The following GOSR2 variants were observed in gnomAD, a reference collection of about 807,000 sequenced individuals.
GOSR2 encodes 27 kDa Golgi SNARE protein.
Under a neutral mutation model 27.9 loss-of-function variants are expected in GOSR2, and 20 were observed. That is an observed-to-expected ratio of 0.72 (90% CI 0.50 to 1.04). The LOEUF (loss-of-function observed/expected upper bound fraction) is 1.04, where lower values mean the gene tolerates loss of function less well. Among genes scored for constraint, GOSR2 ranks in the 50% least tolerant of loss-of-function variants. GOSR2 has a pLI of 0.00. For synonymous variants in GOSR2, 91 were observed against 98.8 expected (o/e 0.92, Z 0.47); for missense variants, 261 against 270.5 (o/e 0.97, Z 0.25).
At chr17:46,957,914 A>G (rs1375710754) in intron 6 of GOSR2, among the ~76,000 whole-genome samples, 1 of 152,184 alleles carries the variant, frequency 6.6e-6, no homozygotes, top group Non-Finnish European at 1.5e-5. Context: ...TGCAGCAGGG[A>G]TCAGTGTGCC....
intron 4 of GOSR2, among the ~76,000 whole-genome samples, chr17:46,934,137 T>C (rs1356816725): frequency 1.3e-5 from 2 of 151,094 alleles, no homozygotes; most frequent in Non-Finnish European, 2.9e-5. Context: ...GGGCAGGCCC[T>C]GCGCTCAGTA....
chr17:46,942,090 A>G (rs778681668), downstream of GOSR2: 37 of 306,124 alleles, frequency 1.2e-4, no homozygotes, highest in Non-Finnish European at 1.7e-4. Context: ...AGTGAGGCAC[A>G]AGAACAAATC....
At chr17:46,923,576 G>A (rs932374166) in intron 1 of GOSR2, 5 of 1,302,366 alleles carry the variant, frequency 3.8e-6, no homozygotes, top group Non-Finnish European at 4.9e-6. Flanking sequence ...GAGGAGACAC[G>A]GAGTAGGAGA....
chr17:46,923,866 G>A lies in GOSR2; in HGVS notation c.29+645G>A, dbSNP rs2146712117. 2 of 398,526 alleles carry A rather than the reference G, an allele frequency of 5.0e-6. 1 individual carries two copies. The highest frequency in any genetic ancestry group is 1.3e-3 in the Middle Eastern group (2 of 1,590). 24.7% of individuals were successfully genotyped at this position (398,526 alleles called of 1,614,324 possible). A position where few individuals can be genotyped will look rare whatever the true frequency, so the allele number is the denominator to read the frequency against. On this transcript the variant is annotated intron_variant, in intron 1 of 5. Transcript: ENST00000640051. ...ACTTTCGGAATTGCTGAGATACGTA[G>A]TTGAGTATTAATGGGGCCATACTTA... is the stretch of plus-strand genomic sequence containing the variant.
rs197926 is a variant in GOSR2, at chr17:46,934,721, A to G, written c.337-308A>G. ...AGAGAAAGCCTTTAGGAGACACCCA[A>G]TGAGGTCTTGAAGGAATAGCTTTTC... On this transcript the variant is annotated intron_variant, in intron 4 of 5. Coordinates refer to ENST00000640051, the MANE Select transcript of GOSR2 (RefSeq NM_004287.5). Among the ~76,000 whole-genome samples the G allele has an allele frequency of 0.43, 65,969 of 152,048 alleles. 14,785 individuals are homozygous for G. Among genetic ancestry groups the G allele is most frequent in the South Asian group, 0.52 (2,502 of 4,814 alleles).
In GOSR2 at chr17:46,941,352, T is replaced by A; in HGVS notation, c.*2592T>A. ...TCAGCTGAATAAAGTTGAGGTTTAT[T>A]TTATTTAGAAAATCACATTTTGTAA... On this transcript the variant is annotated 3_prime_UTR_variant, in exon 6 of 6. Transcript: ENST00000640051. 1 of 984,476 alleles carries A rather than the reference T, an allele frequency of 1.0e-6. No homozygotes were observed. The highest frequency in any genetic ancestry group is 1.2e-6 in the Non-Finnish European group (1 of 829,066). The allele number at this position is 984,476 out of a possible 1,614,324, so 61.0% of individuals were successfully genotyped here.
downstream of GOSR2, among the ~76,000 whole-genome samples, chr17:46,943,774 A>G (rs115882746): frequency 2.6e-3 from 394 of 152,346 alleles, no homozygotes; most frequent in African/African-American, 8.7e-3. Flanking sequence ...AACAACAGCA[A>G]TGACTGCAGT....
At chr17:46,945,115 G>C (rs955932100), downstream of GOSR2, among the ~76,000 whole-genome samples, 7 of 152,222 alleles carry the variant, frequency 4.6e-5, no homozygotes, top group African/African-American at 7.2e-5. Context: ...GAGGTGATGG[G>C]TGTGTGAAGG....
intron 6 of GOSR2, among the ~76,000 whole-genome samples, chr17:46,956,274 G>A (rs947672859): frequency 7.9e-6 from 1 of 126,098 alleles, no homozygotes; most frequent in Non-Finnish European, 1.6e-5. Context: ...TGCCTTGCCA[G>A]TCCTTTTTTT....
chr17:46,956,761 T>G lies in GOSR2; in HGVS notation c.584-9773T>G, dbSNP rs969655693. The stretch of plus-strand genomic sequence containing the variant: ...TGGGAGTAGCCTGCGTGGCTGCCAG[T>G]GCTGGCTGGAGAGGATACCACCATC... On this transcript the variant is annotated intron_variant, in intron 6 of 6. Coordinates refer to the GOSR2 transcript ENST00000573224. 3.9e-5 allele frequency among the ~76,000 whole-genome samples: 6 copies of G among 152,318 alleles called. No individual in the cohort carries two copies. In the Middle Eastern group the frequency reaches 0.014, roughly 345 times the overall value.
At chr17:46,952,834 G>A (rs2090457025) in intron 6 of GOSR2, 1 of 151,896 alleles carries the variant, frequency 6.6e-6, no homozygotes, top group African/African-American at 2.4e-5. Flanking sequence ...TACTTAAGCT[G>A]GTTTGCACTG....
chr17:46,935,365 G>A (rs1017405093), intron 5 of GOSR2, 196 bp downstream of exon 5: 20 of 1,449,978 alleles, frequency 1.4e-5, no homozygotes, highest in Non-Finnish European at 1.8e-5. Flanking sequence ...TCCTTTGCCA[G>A]TGCTTGAAAC....
intron 3 of GOSR2, 34 bp downstream of exon 3, chr17:46,931,241 C>G: frequency 2.0e-6 from 2 of 982,952 alleles, no homozygotes; most frequent in South Asian, 2.6e-5. Flanking sequence ...CTCTGATACT[C>G]CAGGCCCATC....
At chr17:46,938,372 A>G (rs1219864395) in intron 5 of GOSR2, among the ~76,000 whole-genome samples, 1 of 152,202 alleles carries the variant, frequency 6.6e-6, no homozygotes, top group Non-Finnish European at 1.5e-5. Context: ...TTCCAGCACC[A>G]TTTGTGGAAA....
At chr17:46,953,003 C>A (rs1282509797) in intron 6 of GOSR2, among the ~76,000 whole-genome samples, 1 of 151,848 alleles carries the variant, frequency 6.6e-6, no homozygotes, top group African/African-American at 2.4e-5. Flanking sequence ...TCTGAGCCCC[C>A]CAAATTCTTT....
At chr17:46,923,875 T>C (rs916563019) in intron 1 of GOSR2, 3 of 398,460 alleles carry the variant, frequency 7.5e-6, no homozygotes, top group Admixed American at 4.4e-5. Context: ...AGTTGAGTAT[T>C]AATGGGGCCA....
rs1178093503 is a variant in GOSR2, at chr17:46,941,399, A to G, written c.*2639A>G. 8.1e-6 allele frequency: 8 copies of G among 983,052 alleles called. No homozygotes were observed. The highest frequency in any genetic ancestry group is 6.1e-5 in the Admixed American group (1 of 16,262). The allele number at this position is 983,052 out of a possible 1,614,324, so 60.9% of individuals were successfully genotyped here. On this transcript the variant is annotated 3_prime_UTR_variant, in exon 6 of 6. Transcript: ENST00000640051. ...GTAAAAGAATTCGATATTCATTTTT[A>G]TAACTAATGGCCCCCTTTTTTTATG...
chr17:46,938,410 C>G (rs1368246936), intron 5 of GOSR2, among the ~76,000 whole-genome samples, 189 bp from the exon 6 acceptor site: 1 of 152,154 alleles, frequency 6.6e-6, no homozygotes, highest in Non-Finnish European at 1.5e-5. Context: ...TAGCGTTGCT[C>G]TGGTACCTTG....
intron 6 of GOSR2, among the ~76,000 whole-genome samples, chr17:46,959,700 T>C (rs761552101): frequency 6.6e-6 from 1 of 152,154 alleles, no homozygotes; most frequent in Non-Finnish European, 1.5e-5. Context: ...GTAGGACATT[T>C]CTTGAGCATT....
Sources: allele counts gnomAD v4.1 joint callset (sites outside exome capture counted in the v4.1 genomes callset), GRCh38; gene constraint gnomAD v4.1.1; transcripts MANE v1.5; gene names NCBI Gene and HGNC (gene_info 2026-07-23, HGNC 2026-07-21).